The following DOCK1 variants were observed in gnomAD, a reference collection of about 807,000 sequenced individuals.
DOCK1 encodes dedicator of cytokinesis 1.
DOCK1 carries 138 observed loss-of-function variants against 262.7 expected under a neutral mutation model. The ratio of observed to expected loss-of-function variants is 0.53; its 90% CI spans 0.46 to 0.61. The LOEUF (loss-of-function observed/expected upper bound fraction) is 0.61, where lower values mean the gene tolerates loss of function less well. Among genes scored for constraint, DOCK1 ranks in the 20% least tolerant of loss-of-function variants. The probability of loss-of-function intolerance (pLI) is 0.00; values close to 1 mark genes in which losing one functional copy is unlikely to be tolerated. For synonymous variants in DOCK1, 866 were observed against 867.4 expected (o/e 1.00, Z 0.03); for missense variants, 1,908 against 2,370.7 (o/e 0.80, Z 4.05).
intron 29 of DOCK1, among the ~76,000 whole-genome samples, chr10:127,303,686 C>T (rs1159939513): frequency 1.7e-5 from 2 of 116,700 alleles, no homozygotes; most frequent in African/African-American, 8.3e-5. Flanking sequence ...TAGTGAGACC[C>T]TATCTCTACA....
rs1384328305 is a variant in DOCK1, at chr10:127,451,707, G to A, written c.*280G>A. The A allele has an allele frequency of 5.7e-6, 3 of 524,822 alleles. No homozygotes were observed. In the African/African-American group the frequency reaches 5.7e-5, roughly 10 times the overall value. The allele number at this position is 524,822 out of a possible 1,614,324, so 32.5% of individuals were successfully genotyped here. The stretch of plus-strand genomic sequence containing the variant: ...TGTGTCTGGCTCTGAGAGAGTCTGA[G>A]TCTTGCCCAAACATTCTTTCTTTTT... On this transcript the variant is annotated 3_prime_UTR_variant, in exon 52 of 52. Coordinates refer to ENST00000623213, the MANE Select transcript of DOCK1 (RefSeq NM_001290223.2).
At chr10:127,042,119 G>T (rs973926425) in intron 19 of DOCK1, among the ~76,000 whole-genome samples, 2 of 152,138 alleles carry the variant, frequency 1.3e-5, no homozygotes, top group Non-Finnish European at 2.9e-5. Flanking sequence ...GCACCTTCTG[G>T]TCTCAAAACT....
chr10:127,049,175 A>G lies in DOCK1; in HGVS notation c.2202-3506A>G, dbSNP rs181916174. Among the ~76,000 whole-genome samples, 259 of 152,346 alleles carry G rather than the reference A, an allele frequency of 1.7e-3. 1 individual carries two copies. The highest frequency in any genetic ancestry group is 2.4e-3 in the Non-Finnish European group (164 of 68,032). On this transcript the variant is annotated intron_variant, in intron 21 of 51. Transcript: ENST00000623213. ...ACATAATTGAGAGGGAATTAAAAGT[A>G]CAGTAGAATTACAGTATGGTACAGT...
intron 3 of DOCK1, among the ~76,000 whole-genome samples, chr10:126,979,689 G>A (rs1267696698): frequency 6.6e-6 from 1 of 152,098 alleles, no homozygotes; most frequent in Non-Finnish European, 1.5e-5. Context: ...AGTAGCGCTG[G>A]GTAGGGCATA....
At chr10:127,305,304 G>A (rs2061833534) in intron 29 of DOCK1, among the ~76,000 whole-genome samples, 1 of 152,158 alleles carries the variant, frequency 6.6e-6, no homozygotes, top group African/African-American at 2.4e-5. Flanking sequence ...TCGACTTTGG[G>A]ATTGTGCACT....
chr10:127,158,539 C>T (rs1164501881), intron 27 of DOCK1, among the ~76,000 whole-genome samples: 2 of 152,154 alleles, frequency 1.3e-5, no homozygotes, highest in African/African-American at 4.8e-5. Context: ...TGATACAATA[C>T]CTGGTACCTT....
intron 1 of DOCK1, among the ~76,000 whole-genome samples, chr10:126,927,019 A>G (rs1270958542): frequency 1.3e-5 from 2 of 152,222 alleles, no homozygotes; most frequent in Non-Finnish European, 2.9e-5. Flanking sequence ...GTTAGTGGGC[A>G]ATTGAGAAGG....
intron 27 of DOCK1, among the ~76,000 whole-genome samples, chr10:127,211,111 C>T (rs2057953636): frequency 6.6e-6 from 1 of 152,188 alleles, no homozygotes; most frequent in South Asian, 2.1e-4. Context: ...AGAACTTACT[C>T]ATCTTGTGGA....
intron 6 of DOCK1, among the ~76,000 whole-genome samples, chr10:126,996,329 G>A (rs1203513359): frequency 2.1e-5 from 3 of 144,392 alleles, no homozygotes; most frequent in East Asian, 2.0e-4. Flanking sequence ...GCAGTGAGCC[G>A]AGATCGCACC....
chr10:127,068,186 T>G (rs1354374648), intron 23 of DOCK1, among the ~76,000 whole-genome samples: 1 of 152,228 alleles, frequency 6.6e-6, no homozygotes, highest in Non-Finnish European at 1.5e-5. Flanking sequence ...TGAACTGTAT[T>G]TTCTTGCCTT....
rs139342652 is a variant in DOCK1, at chr10:127,099,317, G to A, written c.2446-6914G>A. ...AAATAGTCTCTGTCCTTACCTGTGAGGAGCTTATTGTCTATGGGGAATACG... is the reference window on the plus strand; with the variant it reads ...AAATAGTCTCTGTCCTTACCTGTGAAGAGCTTATTGTCTATGGGGAATACG... On this transcript the variant is annotated intron_variant, in intron 23 of 51. Transcript: ENST00000623213. Among the ~76,000 whole-genome samples the A allele has an allele frequency of 5.5e-3, 837 of 152,316 alleles. 10 individuals carry two copies. The highest frequency in any genetic ancestry group is 0.019 in the African/African-American group (806 of 41,568).
At chr10:126,953,327 GGTA>G (rs1381897709) in intron 1 of DOCK1, among the ~76,000 whole-genome samples, 1 of 150,412 alleles carries the variant, frequency 6.6e-6, no homozygotes, top group Non-Finnish European at 1.5e-5. Flanking sequence ...TGGTAGTGGT[GGTA>G]GTATTGTCAG....
chr10:127,197,976 A>G (rs2057289957), intron 27 of DOCK1, among the ~76,000 whole-genome samples: 1 of 152,086 alleles, frequency 6.6e-6, no homozygotes, highest in African/African-American at 2.4e-5. Flanking sequence ...AGCCTTGGGG[A>G]TCCAGATATG....
At chr10:127,243,151 T>C (rs2059319963) in intron 27 of DOCK1, among the ~76,000 whole-genome samples, 1 of 152,202 alleles carries the variant, frequency 6.6e-6, no homozygotes, top group South Asian at 2.1e-4. Flanking sequence ...CCAAGTCACA[T>C]GGCTAAGTCC....
intron 29 of DOCK1, among the ~76,000 whole-genome samples, chr10:127,258,882 C>G (rs2059917182): frequency 6.6e-6 from 1 of 152,228 alleles, no homozygotes; most frequent in African/African-American, 2.4e-5. Context: ...GGCTTTGCCT[C>G]TCTTTAATGC....
At chr10:126,996,676 G>A (rs2135097927) in intron 6 of DOCK1, 72 bp from the exon 7 acceptor site, 1 of 1,435,950 alleles carries the variant, frequency 7.0e-7, no homozygotes, top group Non-Finnish European at 9.2e-7. Context: ...AGTTGCTGTG[G>A]TGGAAGTTGT....
intron 27 of DOCK1, among the ~76,000 whole-genome samples, chr10:127,212,506 G>A (rs1264168745): frequency 3.3e-5 from 5 of 152,096 alleles, no homozygotes; most frequent in South Asian, 2.1e-4. Flanking sequence ...AGGTGCGAAC[G>A]GTGGAGGACT....
In DOCK1 at chr10:127,411,261, G is replaced by A. The variant is rs906395933; in HGVS notation, c.4428+337G>A. Among the ~76,000 whole-genome samples the A allele has an allele frequency of 4.6e-5, 7 of 152,114 alleles. No individual in the cohort carries two copies. The East Asian group carries it at 1.2e-3, about 25-fold the overall frequency. On this transcript the variant is annotated intron_variant, in intron 43 of 51. Transcript: ENST00000623213. ...ATCTCTAGTTAAAAATGGACCCACC[G>A]AGTGCTGAGGTGCGGGGTGCTGACG... is the stretch of plus-strand genomic sequence containing the variant.
intron 31 of DOCK1, among the ~76,000 whole-genome samples, chr10:127,353,084 C>T (rs961650551): frequency 6.6e-6 from 1 of 152,120 alleles, no homozygotes; most frequent in African/African-American, 2.4e-5. Context: ...TTTCTGATGC[C>T]ACTTTCCTGG....
Sources: gnomAD v4.1 joint callset for allele counts (sites outside exome capture counted in the v4.1 genomes callset) on GRCh38, gnomAD v4.1.1 for gene constraint, MANE v1.5 for transcripts, NCBI Gene and HGNC (gene_info 2026-07-23, HGNC 2026-07-21) for gene names.